Variants in SCMH1 observed in about 807,000 individuals in gnomAD.
SCMH1 encodes the protein polycomb protein SCMH1.
In SCMH1, 37 loss-of-function variants were observed where a neutral mutation model predicts 70.8. That is an observed-to-expected ratio of 0.52 (90% CI 0.40 to 0.69). The LOEUF is 0.69. Ranked by LOEUF, SCMH1 falls within the 30% of genes least tolerant of loss-of-function variation. SCMH1 has a pLI of 0.00. For missense variants in SCMH1, 607 were observed against 827.3 expected (o/e 0.73, Z 3.27); for synonymous variants, 292 against 307.4 (o/e 0.95, Z 0.52).
At chr1:41,225,907 T>A (rs966893257) in intron 1 of SCMH1, among the ~76,000 whole-genome samples, 2 of 152,164 alleles carry the variant, frequency 1.3e-5, no homozygotes, top group Non-Finnish European at 2.9e-5. Flanking sequence ...TCAAACAAAT[T>A]GTTAGGTAAA....
intron 8 of SCMH1, among the ~76,000 whole-genome samples, chr1:41,106,510 C>T (rs1188119350): frequency 6.6e-6 from 1 of 151,728 alleles, no homozygotes; most frequent in African/African-American, 2.4e-5. Context: ...TATAAATTAC[C>T]CAGTCTTAGG....
intron 6 of SCMH1, among the ~76,000 whole-genome samples, chr1:41,117,443 T>A (rs965866126): frequency 1.3e-5 from 2 of 151,660 alleles, no homozygotes; most frequent in Non-Finnish European, 2.9e-5. Context: ...CGTGGTCTAG[T>A]GGTAGCGTCA....
intron 1 of SCMH1, among the ~76,000 whole-genome samples, chr1:41,192,560 C>T (rs1651981449): frequency 6.6e-6 from 1 of 151,160 alleles, no homozygotes; most frequent in Non-Finnish European, 1.5e-5. Flanking sequence ...AGTAAACACT[C>T]AGTCAATGTT....
chr1:41,089,213 AACT>A (rs1662605622), intron 8 of SCMH1, among the ~76,000 whole-genome samples: 1 of 152,184 alleles, frequency 6.6e-6, no homozygotes, highest in African/African-American at 2.4e-5. Flanking sequence ...ATTTCCCTTA[AACT>A]TCTTGTTTTT....
chr1:41,143,613 T>TTA (rs1644294562), intron 5 of SCMH1, among the ~76,000 whole-genome samples: 1 of 152,316 alleles, frequency 6.6e-6, no homozygotes, highest in Admixed American at 6.5e-5. Context: ...TACACTTTAG[T>TTA]AAGTCTTGAC....
At chr1:41,067,793 C>CT (rs1655178548) in intron 10 of SCMH1, among the ~76,000 whole-genome samples, 2 of 152,132 alleles carry the variant, frequency 1.3e-5, no homozygotes, top group Non-Finnish European at 2.9e-5. Flanking sequence ...CAAATGCAAA[C>CT]TATGGACATG....
At chr1:41,087,446 CT>C (rs1423564403) in intron 8 of SCMH1, among the ~76,000 whole-genome samples, 1 of 150,758 alleles carries the variant, frequency 6.6e-6, no homozygotes, top group Non-Finnish European at 1.5e-5. Context: ...ATACAAAGGA[CT>C]TTTAAAATTG....
intron 1 of SCMH1, among the ~76,000 whole-genome samples, chr1:41,227,527 T>C (rs1451318387): frequency 1.3e-5 from 2 of 152,202 alleles, no homozygotes; most frequent in South Asian, 2.1e-4. Flanking sequence ...ATTCTACTCA[T>C]ATGAAGTGCA....
chr1:41,108,165 T>C (rs1453434361), intron 8 of SCMH1, among the ~76,000 whole-genome samples: 1 of 152,208 alleles, frequency 6.6e-6, no homozygotes. Context: ...GCACCTCTAC[T>C]AGATTCCCAT....
At chr1:41,218,797 T>C (rs1573165117) in intron 1 of SCMH1, among the ~76,000 whole-genome samples, 1 of 152,330 alleles carries the variant, frequency 6.6e-6, no homozygotes, top group African/African-American at 2.4e-5. Flanking sequence ...AAACCACTCT[T>C]AACCACTACA....
intron 1 of SCMH1, among the ~76,000 whole-genome samples, chr1:41,204,508 G>C (rs1655060158): frequency 6.6e-6 from 1 of 152,060 alleles, no homozygotes; most frequent in South Asian, 2.1e-4. Context: ...CTCACCTTTT[G>C]CTTTGCTCCA....
chr1:41,124,590 CTTATTTATTTAT>C (rs138729350), intron 6 of SCMH1, among the ~76,000 whole-genome samples: 4 of 148,780 alleles, frequency 2.7e-5, no homozygotes, highest in East Asian at 2.0e-4. Flanking sequence ...TGCTGAAGAG[CTTATTTATTTAT>C]TTATTTATTT....
rs142987690 is a variant in SCMH1, at chr1:41,089,529, A to G, written c.746-14078T>C. 9.3e-4 allele frequency among the ~76,000 whole-genome samples: 141 copies of G among 152,300 alleles called. 2 individuals are homozygous for G. In the East Asian group the frequency reaches 0.017, roughly 18 times the overall value. On this transcript the variant is annotated intron_variant, in intron 8 of 14. Transcript: ENST00000337495. ...ACCATCATCTCTAACCTGGGTTTTT[A>G]CAATAAGCCTTTTGAATGGTTTGTC...
intron 1 of SCMH1, among the ~76,000 whole-genome samples, chr1:41,225,985 T>C (rs956095040): frequency 2.6e-5 from 4 of 152,192 alleles, no homozygotes; most frequent in African/African-American, 9.6e-5. Flanking sequence ...CCACCCTGCC[T>C]CACCTTGAAC....
At chr1:41,155,089 T>C (rs1400962388) in intron 4 of SCMH1, among the ~76,000 whole-genome samples, 1 of 152,214 alleles carries the variant, frequency 6.6e-6, no homozygotes. Context: ...GCTAAGACTT[T>C]ACAGATGAGA....
chr1:41,180,723 C>T (rs1457229476), intron 2 of SCMH1, among the ~76,000 whole-genome samples: 2 of 152,166 alleles, frequency 1.3e-5, no homozygotes, highest in African/African-American at 2.4e-5. Flanking sequence ...GAAGAACATT[C>T]CATGCTCATG....
chr1:41,073,914 G>C (rs1657374643), intron 9 of SCMH1, among the ~76,000 whole-genome samples: 1 of 152,076 alleles, frequency 6.6e-6, no homozygotes, highest in Non-Finnish European at 1.5e-5. Flanking sequence ...TAATGAGATT[G>C]GGATAGAATG....
chr1:41,044,085 T>C (rs1646593588), intron 12 of SCMH1, among the ~76,000 whole-genome samples: 1 of 152,142 alleles, frequency 6.6e-6, no homozygotes. Context: ...TCAACTTAGG[T>C]AGGAAAGCTT....
chr1:41,034,905 T>A (rs1474204546), intron 13 of SCMH1, among the ~76,000 whole-genome samples: 2 of 152,172 alleles, frequency 1.3e-5, no homozygotes, highest in African/African-American at 2.4e-5. Context: ...CTTAGCTCAC[T>A]ACCCACTGTT....
Sources: allele counts gnomAD v4.1 joint callset (sites outside exome capture counted in the v4.1 genomes callset), GRCh38; gene constraint gnomAD v4.1.1; transcripts MANE v1.5; gene names NCBI Gene and HGNC (gene_info 2026-07-23, HGNC 2026-07-21).